Variants in SH3BGRL2 observed in about 807,000 individuals in gnomAD.
The protein encoded by SH3BGRL2 is SH3 domain-binding glutamic acid-rich-like protein 2.
Under a neutral mutation model 14.8 loss-of-function variants are expected in SH3BGRL2, and 21 were observed. The observed-to-expected ratio is 1.42, with a 90% CI of 1.01 to 2.05. The LOEUF is 2.05. Ranked by LOEUF, SH3BGRL2 falls within the 30% of genes most tolerant of loss-of-function variation. SH3BGRL2 has a pLI of 0.00. For missense variants in SH3BGRL2, 147 were observed against 130.8 expected, an observed-to-expected ratio of 1.12 and a Z score of -0.61; for synonymous variants, 50 against 47.8, an observed-to-expected ratio of 1.05 and a Z score of -0.19.
the SH3BGRL2 span, among the ~76,000 whole-genome samples, chr6:79,580,438 C>T: frequency 6.6e-6 from 1 of 152,318 alleles, no homozygotes; most frequent in South Asian, 2.1e-4. Context: ...TCACAACAAA[C>T]TGTCTCTCAG....
the SH3BGRL2 span, among the ~76,000 whole-genome samples, chr6:79,560,385 A>T: frequency 0.026 from 3,889 of 152,304 alleles, 62 homozygotes; most frequent in Middle Eastern, 0.075. Context: ...GAATAAAGAT[A>T]ACTAGCAGGA....
Position 79,631,453 on chromosome 6 carries a change from A to T in SH3BGRL2, c.-9A>T. On this transcript the variant is annotated 5_prime_UTR_variant, in exon 1 of 4. Transcript: ENST00000369838. The stretch of plus-strand genomic sequence containing the variant: ...GGGGCAAGGGGTCTGTCCCGGGCGC[A>T]GCGAGAGGATGGTCATCCGCGTGTT... 1 of 1,520,474 alleles carries T rather than the reference A, an allele frequency of 6.6e-7. No homozygotes were observed. The highest frequency in any genetic ancestry group is 8.8e-7 in the Non-Finnish European group (1 of 1,133,694). The allele number at this position is 1,520,474 out of a possible 1,614,324, so 94.2% of individuals were successfully genotyped here. A position where few individuals can be genotyped will look rare whatever the true frequency, so the allele number is the denominator to read the frequency against.
the SH3BGRL2 span, among the ~76,000 whole-genome samples, chr6:79,586,820 T>C: frequency 2.6e-5 from 4 of 152,156 alleles, no homozygotes; most frequent in Non-Finnish European, 5.9e-5. Flanking sequence ...AAATATGACT[T>C]GGAATAGAGT....
chr6:79,555,680 T>C, the SH3BGRL2 span, among the ~76,000 whole-genome samples: 1 of 152,094 alleles, frequency 6.6e-6, no homozygotes, highest in Non-Finnish European at 1.5e-5. Flanking sequence ...CAGCTAATTT[T>C]TGTATTTTTA....
the SH3BGRL2 span, among the ~76,000 whole-genome samples, chr6:79,576,612 T>A: frequency 6.6e-6 from 1 of 152,198 alleles, no homozygotes; most frequent in African/African-American, 2.4e-5. Context: ...AAATCTAGTT[T>A]TCTATAGTGT....
intron 1 of SH3BGRL2, among the ~76,000 whole-genome samples, chr6:79,639,386 C>T (rs1156476718): frequency 2.0e-5 from 3 of 152,044 alleles, no homozygotes; most frequent in South Asian, 4.1e-4. Context: ...CTCAGGAGCT[C>T]GAGACCAGCC....
At chr6:79,667,562 T>G (rs1300776825) in intron 1 of SH3BGRL2, among the ~76,000 whole-genome samples, 1 of 151,974 alleles carries the variant, frequency 6.6e-6, no homozygotes, top group African/African-American at 2.4e-5. Flanking sequence ...TTCTCCCACC[T>G]CAGCCTCCTG....
At chr6:79,677,285 T>G (rs1769904487) in intron 2 of SH3BGRL2, among the ~76,000 whole-genome samples, 1 of 152,084 alleles carries the variant, frequency 6.6e-6, no homozygotes, top group South Asian at 2.1e-4. Flanking sequence ...AATTAGAAAA[T>G]TATTATTGTA....
chr6:79,604,462 A>C, the SH3BGRL2 span, among the ~76,000 whole-genome samples: 1 of 152,178 alleles, frequency 6.6e-6, no homozygotes, highest in Admixed American at 6.5e-5. Flanking sequence ...ATGTTGGAGA[A>C]TGTTCCAAAC....
chr6:79,540,430 G>A, the SH3BGRL2 span, among the ~76,000 whole-genome samples: 3 of 149,948 alleles, frequency 2.0e-5, no homozygotes, highest in Non-Finnish European at 4.4e-5. Flanking sequence ...GCAAGATTCC[G>A]TCTCAAAAAT....
the SH3BGRL2 span, among the ~76,000 whole-genome samples, chr6:79,560,482 A>G: frequency 1.3e-5 from 2 of 152,138 alleles, no homozygotes; most frequent in African/African-American, 4.8e-5. Context: ...TGGAGGTTGT[A>G]ATGTATTATG....
chr6:79,681,906 C>T (rs1402773421), intron 2 of SH3BGRL2, among the ~76,000 whole-genome samples: 2 of 151,798 alleles, frequency 1.3e-5, no homozygotes, highest in African/African-American at 4.8e-5. Flanking sequence ...GAGCAGAGAT[C>T]GCCCCGCTGC....
At position 79,699,695 on chromosome 6, in the gene SH3BGRL2, T is replaced by A; in HGVS notation, c.*186T>A. 1.3e-6 allele frequency: 1 copy of A among 777,304 alleles called. No homozygotes were observed. The highest frequency in any genetic ancestry group is 1.8e-6 in the Non-Finnish European group (1 of 543,018). The allele number at this position is 777,304 out of a possible 1,614,324, so 48.2% of individuals were successfully genotyped here. On this transcript the variant is annotated 3_prime_UTR_variant, in exon 4 of 4. Transcript: ENST00000369838. ...AATTGCATGATTGCTTTAAACCAAATCAGGTGGTGGATTTTTTTTTTCTTA... is the reference window on the plus strand; with the variant it reads ...AATTGCATGATTGCTTTAAACCAAAACAGGTGGTGGATTTTTTTTTTCTTA...
chr6:79,649,424 T>C (rs1403797774), intron 1 of SH3BGRL2, among the ~76,000 whole-genome samples: 6 of 152,168 alleles, frequency 3.9e-5, no homozygotes, highest in Non-Finnish European at 7.4e-5. Context: ...TAAAATATAA[T>C]AATAAATTTG....
At chr6:79,587,308 A>G in the SH3BGRL2 span, among the ~76,000 whole-genome samples, 1 of 152,152 alleles carries the variant, frequency 6.6e-6, no homozygotes, top group African/African-American at 2.4e-5. Flanking sequence ...AGGGGTGTCT[A>G]GCCACCACAG....
chr6:79,688,279 C>T (rs1282339623), intron 2 of SH3BGRL2, among the ~76,000 whole-genome samples: 1 of 151,568 alleles, frequency 6.6e-6, no homozygotes, highest in Middle Eastern at 3.2e-3. Context: ...GATAAATGTT[C>T]CCTTAGTGAG....
chr6:79,649,965 G>A (rs1452814967), intron 1 of SH3BGRL2, among the ~76,000 whole-genome samples: 3 of 129,262 alleles, frequency 2.3e-5, no homozygotes, highest in Admixed American at 8.0e-5. Context: ...TAGTTCTTAT[G>A]TACTCTCTCT....
At chr6:79,660,726 C>T (rs1026045894) in intron 1 of SH3BGRL2, among the ~76,000 whole-genome samples, 2 of 152,162 alleles carry the variant, frequency 1.3e-5, no homozygotes, top group Non-Finnish European at 2.9e-5. Context: ...ACCAGCTCCT[C>T]TTTGTACCTC....
intron 1 of SH3BGRL2, among the ~76,000 whole-genome samples, chr6:79,666,409 C>T (rs1352107598): frequency 6.6e-6 from 1 of 152,224 alleles, no homozygotes; most frequent in African/African-American, 2.4e-5. Context: ...CTTCACAGGG[C>T]AGATCATGAA....
Sources: gnomAD v4.1 joint callset for allele counts (sites outside exome capture counted in the v4.1 genomes callset) on GRCh38, gnomAD v4.1.1 for gene constraint, MANE v1.5 for transcripts, NCBI Gene and HGNC (gene_info 2026-07-23, HGNC 2026-07-21) for gene names.